ARHGAP24: variants seen among roughly 807,000 people sequenced by gnomAD.
ARHGAP24 encodes the protein Rho GTPase activating protein 24, also known as rho GTPase-activating protein 24.
Under a neutral mutation model 76.4 loss-of-function variants are expected in ARHGAP24, and 50 were observed. The observed-to-expected ratio is 0.65, with a 90% confidence interval of 0.52 to 0.83. ARHGAP24 has a LOEUF of 0.83. Ranked by LOEUF, ARHGAP24 falls within the 40% of genes least tolerant of loss-of-function variation. The probability of loss-of-function intolerance (pLI) is 0.00; values close to 1 mark genes in which losing one functional copy is unlikely to be tolerated. For missense variants in ARHGAP24, 930 were observed against 914.2 expected (o/e 1.02, Z -0.22); for synonymous variants, 345 against 323.3 (o/e 1.07, Z -0.72).
chr4:85,609,336 C>A (rs1411859219), intron 2 of ARHGAP24, among the ~76,000 whole-genome samples: 1 of 152,060 alleles, frequency 6.6e-6, no homozygotes, highest in Non-Finnish European at 1.5e-5. Context: ...GGAATGTATG[C>A]CTCCATTACA....
chr4:85,606,654 A>G (rs1720206120), intron 2 of ARHGAP24, among the ~76,000 whole-genome samples: 1 of 152,190 alleles, frequency 6.6e-6, no homozygotes, highest in Non-Finnish European at 1.5e-5. Context: ...TCATTTATTC[A>G]ATATTTATTC....
intron 3 of ARHGAP24, among the ~76,000 whole-genome samples, chr4:85,783,466 A>G (rs1727658397): frequency 6.6e-6 from 1 of 151,684 alleles, no homozygotes; most frequent in South Asian, 2.1e-4. Flanking sequence ...GTGAGTCCTG[A>G]TCACTTTTTT....
intron 3 of ARHGAP24, among the ~76,000 whole-genome samples, chr4:85,803,005 A>G (rs1728642225): frequency 6.6e-6 from 1 of 152,226 alleles, no homozygotes; most frequent in Non-Finnish European, 1.5e-5. Context: ...CAGCCTGAGG[A>G]AGTCATTTAG....
At chr4:85,481,526 T>C (rs961859357) in intron 1 of ARHGAP24, among the ~76,000 whole-genome samples, 1 of 152,214 alleles carries the variant, frequency 6.6e-6, no homozygotes, top group Non-Finnish European at 1.5e-5. Flanking sequence ...GGGTTACCAC[T>C]ACCAAGGTTG....
At chr4:85,497,735 G>T (rs1348757212) in intron 1 of ARHGAP24, among the ~76,000 whole-genome samples, 2 of 152,182 alleles carry the variant, frequency 1.3e-5, no homozygotes, top group Admixed American at 1.3e-4. Context: ...CAGGAGAATT[G>T]CTTGAACCCA....
chr4:85,622,287 C>G (rs544249802), intron 2 of ARHGAP24, among the ~76,000 whole-genome samples: 140 of 131,248 alleles, frequency 1.1e-3, no homozygotes, highest in African/African-American at 3.8e-3. Context: ...TGATGTTCCC[C>G]TTCCTGTGTC....
intron 3 of ARHGAP24, among the ~76,000 whole-genome samples, chr4:85,894,986 AAACAAAACAAAAAG>A (rs1734077097): frequency 5.8e-4 from 9 of 15,440 alleles, no homozygotes; most frequent in African/African-American, 1.4e-3. Context: ...AAAAAAAAAA[AAACAAAACAAAAAG>A]CAAAAAAAAA....
chr4:85,947,121 GTA>G (rs1302393563), intron 5 of ARHGAP24, among the ~76,000 whole-genome samples: 1 of 152,032 alleles, frequency 6.6e-6, no homozygotes, highest in African/African-American at 2.4e-5. Flanking sequence ...TTGGCATCTT[GTA>G]TGTCTTCTTT....
intron 5 of ARHGAP24, among the ~76,000 whole-genome samples, chr4:85,967,531 G>A (rs1000024447): frequency 2.6e-5 from 4 of 152,058 alleles, no homozygotes; most frequent in African/African-American, 9.7e-5. Context: ...CGATTCAGAC[G>A]TAAAGTCCAA....
At chr4:85,481,104 C>T (rs751249739) in intron 1 of ARHGAP24, among the ~76,000 whole-genome samples, 26 of 152,228 alleles carry the variant, frequency 1.7e-4, no homozygotes, top group Non-Finnish European at 2.4e-4. Flanking sequence ...ACTTCTTCTA[C>T]GTACCAAGTA....
intron 5 of ARHGAP24, among the ~76,000 whole-genome samples, chr4:85,970,727 G>A (rs1738921915): frequency 6.6e-6 from 1 of 152,062 alleles, no homozygotes; most frequent in Admixed American, 6.5e-5. Flanking sequence ...ACCTCTCTGG[G>A]GACATGTCAT....
Position 85,678,533 on chromosome 4 carries a change from A to G in ARHGAP24, c.181-43352A>G, listed in dbSNP as rs183012891. 4.6e-5 allele frequency among the ~76,000 whole-genome samples: 7 copies of G among 152,340 alleles called. No individual in the cohort carries two copies. In the East Asian group the frequency reaches 9.6e-4, roughly 21 times the overall value. On this transcript the variant is annotated intron_variant, in intron 2 of 9. Coordinates refer to ENST00000395184, the MANE Select transcript of ARHGAP24 (RefSeq NM_001025616.3). ...AATGAAAGACACAAGCAAAACATTA[A>G]AACAAGAGCCAAATAATAAAGTCAT...
At chr4:85,485,510 A>G (rs2110089787) in intron 1 of ARHGAP24, among the ~76,000 whole-genome samples, 1 of 148,760 alleles carries the variant, frequency 6.7e-6, no homozygotes, top group South Asian at 2.1e-4. Context: ...AATAAATGCT[A>G]TGGTTGGAGA....
At chr4:85,702,302 ACTTTT>A (rs367906992) in intron 2 of ARHGAP24, among the ~76,000 whole-genome samples, 1 of 152,288 alleles carries the variant, frequency 6.6e-6, no homozygotes, top group African/African-American at 2.4e-5. Flanking sequence ...AAAAATCTCT[ACTTTT>A]CTTCTTCTGC....
At chr4:85,641,008 T>A (rs796885108) in intron 2 of ARHGAP24, among the ~76,000 whole-genome samples, 3 of 100,664 alleles carry the variant, frequency 3.0e-5, no homozygotes, top group African/African-American at 1.1e-4. Flanking sequence ...ATTAAAATAA[T>A]GAAAAGAAAT....
intron 3 of ARHGAP24, among the ~76,000 whole-genome samples, chr4:85,788,733 C>T (rs973391501): frequency 1.4e-4 from 22 of 152,288 alleles, no homozygotes; most frequent in Middle Eastern, 3.4e-3. Context: ...TTTCATAAAT[C>T]ACTCAAAAGG....
intron 2 of ARHGAP24, among the ~76,000 whole-genome samples, chr4:85,573,214 C>T (rs1272513525): frequency 6.6e-6 from 1 of 152,084 alleles, no homozygotes; most frequent in Non-Finnish European, 1.5e-5. Flanking sequence ...TTTTAACTAA[C>T]TTTCATACAA....
At chr4:85,781,318 T>G (rs75539290) in intron 3 of ARHGAP24, among the ~76,000 whole-genome samples, 4,754 of 152,282 alleles carry the variant, frequency 0.031, 105 homozygotes, top group East Asian at 0.088. Context: ...ATTTTTATAT[T>G]GTGCATTTTA....
intron 2 of ARHGAP24, among the ~76,000 whole-genome samples, chr4:85,619,414 G>T (rs574515355): frequency 6.6e-6 from 1 of 151,660 alleles, no homozygotes; most frequent in Non-Finnish European, 1.5e-5. Context: ...ATCTAGCTTG[G>T]TTCTTTTTGC....
Sources: gnomAD v4.1 joint callset for allele counts (sites outside exome capture counted in the v4.1 genomes callset) on GRCh38, gnomAD v4.1.1 for gene constraint, MANE v1.5 for transcripts, NCBI Gene and HGNC (gene_info 2026-07-23, HGNC 2026-07-21) for gene names.